The following TCF7L2 variants were observed in gnomAD, a reference collection of about 807,000 sequenced individuals.
TCF7L2 encodes the protein transcription factor 7-like 2.
Under a neutral mutation model 77.9 loss-of-function variants are expected in TCF7L2, and 23 were observed. The observed-to-expected ratio is 0.30, with a 90% CI of 0.21 to 0.42. TCF7L2 has a LOEUF of 0.42. Ranked by LOEUF, TCF7L2 falls within the 10% of genes least tolerant of loss-of-function variation. The pLI is 1.00. For synonymous variants in TCF7L2, 413 were observed against 340.2 expected (o/e 1.21, Z -2.36); for missense variants, 654 against 793.1 (o/e 0.82, Z 2.11).
intron 5 of TCF7L2, among the ~76,000 whole-genome samples, chr10:113,064,905 G>A (rs143234370): frequency 6.6e-6 from 1 of 152,316 alleles, no homozygotes; most frequent in East Asian, 1.9e-4. Flanking sequence ...TGAACAGTAG[G>A]CCTTGCACCT....
intron 4 of TCF7L2, among the ~76,000 whole-genome samples, chr10:113,015,059 G>A (rs568468707): frequency 6.6e-6 from 1 of 152,228 alleles, no homozygotes; most frequent in South Asian, 2.1e-4. Flanking sequence ...GGTAGCGGAC[G>A]CCTGTAAGCC....
At chr10:113,051,573 C>T (rs891377264) in intron 5 of TCF7L2, among the ~76,000 whole-genome samples, 2 of 152,146 alleles carry the variant, frequency 1.3e-5, no homozygotes, top group South Asian at 2.1e-4. Flanking sequence ...GAGCAGAGCA[C>T]GCATGCTTTC....
intron 5 of TCF7L2, among the ~76,000 whole-genome samples, chr10:113,082,612 T>C (rs1310521476): frequency 6.6e-6 from 1 of 152,160 alleles, no homozygotes; most frequent in Non-Finnish European, 1.5e-5. Flanking sequence ...TGTGTGTGTG[T>C]GTGTGTGCAC....
intron 4 of TCF7L2, among the ~76,000 whole-genome samples, chr10:112,977,080 A>G (rs2039556843): frequency 6.6e-6 from 1 of 151,906 alleles, no homozygotes; most frequent in South Asian, 2.1e-4. Context: ...TTCAAAACAA[A>G]TTTTAAACAA....
At chr10:113,116,462 A>G (rs2063746119) in intron 5 of TCF7L2, among the ~76,000 whole-genome samples, 1 of 152,224 alleles carries the variant, frequency 6.6e-6, no homozygotes, top group South Asian at 2.1e-4. Context: ...AGTCTCTGTT[A>G]AAAGCATATT....
intron 5 of TCF7L2, among the ~76,000 whole-genome samples, chr10:113,073,129 T>TGTGTGTGTGTGTGAGA (rs56927661): frequency 0.073 from 8,925 of 122,624 alleles, 502 homozygotes; most frequent in Middle Eastern, 0.11. Context: ...TGTGTGTGTG[T>TGTGTGTGTGTGTGAGA]GAGAGAGAGA....
intron 11 of TCF7L2, among the ~76,000 whole-genome samples, chr10:113,153,516 G>A (rs896111275): frequency 2.8e-4 from 43 of 152,180 alleles, no homozygotes; most frequent in Admixed American, 2.2e-3. Flanking sequence ...GCAGCTTGAC[G>A]TATAGGGGTC....
intron 5 of TCF7L2, among the ~76,000 whole-genome samples, chr10:113,085,682 A>G (rs555132953): frequency 6.6e-6 from 1 of 152,344 alleles, no homozygotes; most frequent in African/African-American, 2.4e-5. Flanking sequence ...AGATCTGGTT[A>G]GCACACATTG....
At chr10:113,063,609 G>C (rs1458290931) in intron 5 of TCF7L2, among the ~76,000 whole-genome samples, 2 of 152,044 alleles carry the variant, frequency 1.3e-5, no homozygotes, top group Admixed American at 6.6e-5. Context: ...ACACCGGATG[G>C]GACATTAATC....
At chr10:112,961,301 C>T (rs183692010) in intron 3 of TCF7L2, among the ~76,000 whole-genome samples, 57 of 140,958 alleles carry the variant, frequency 4.0e-4, no homozygotes, top group Middle Eastern at 3.7e-3. Flanking sequence ...GGATTACAGG[C>T]GTGAGCCATC....
rs1015604301 is a variant in TCF7L2, at chr10:113,144,108, G to C, written c.788+83G>C. The C allele has an allele frequency of 2.6e-3, 949 of 364,520 alleles. 4 individuals are homozygous for C. The highest frequency in any genetic ancestry group is 0.023 in the African/African-American group (795 of 34,740). The allele number at this position is 364,520 out of a possible 1,614,324, so 22.6% of individuals were successfully genotyped here. On this transcript the variant is annotated intron_variant, in intron 7 of 13. Transcript: ENST00000627217. ...TTATTCTGTGTGTGTGTCTGTGTGTGTGTGTGTGTGTGTGTGTGTGTGTGT... is the reference window on the plus strand; with the variant it reads ...TTATTCTGTGTGTGTGTCTGTGTGTCTGTGTGTGTGTGTGTGTGTGTGTGT...
intron 5 of TCF7L2, among the ~76,000 whole-genome samples, chr10:113,093,907 G>T (rs747489657): frequency 2.0e-5 from 3 of 152,132 alleles, no homozygotes; most frequent in Non-Finnish European, 4.4e-5. Flanking sequence ...CTTTTAAAAA[G>T]TTCATTGTCC....
intron 5 of TCF7L2, among the ~76,000 whole-genome samples, chr10:113,116,620 T>C (rs1272689966): frequency 6.6e-6 from 1 of 152,210 alleles, no homozygotes; most frequent in Non-Finnish European, 1.5e-5. Flanking sequence ...TTACTGTAAA[T>C]TGAAACATTT....
At chr10:113,124,473 G>A (rs867128389) in intron 5 of TCF7L2, among the ~76,000 whole-genome samples, 3 of 152,082 alleles carry the variant, frequency 2.0e-5, no homozygotes, top group African/African-American at 7.2e-5. Context: ...TACGAAAAGG[G>A]GGGTGGAAAT....
At chr10:112,991,987 A>T (rs1287800663) in intron 4 of TCF7L2, among the ~76,000 whole-genome samples, 1 of 152,194 alleles carries the variant, frequency 6.6e-6, no homozygotes, top group Non-Finnish European at 1.5e-5. Flanking sequence ...AGACCTCAGG[A>T]TGGGCTGGCT....
intron 4 of TCF7L2, among the ~76,000 whole-genome samples, chr10:112,977,842 C>T (rs1411717097): frequency 6.6e-6 from 1 of 152,126 alleles, no homozygotes; most frequent in East Asian, 1.9e-4. Context: ...CGGGGAAAGG[C>T]AGCAATGACC....
At chr10:112,954,108 G>A (rs2032826443) in intron 3 of TCF7L2, among the ~76,000 whole-genome samples, 1 of 152,226 alleles carries the variant, frequency 6.6e-6, no homozygotes, top group Admixed American at 6.5e-5. Flanking sequence ...ATTTGATACA[G>A]CTGCGGGAGG....
chr10:112,957,086 C>T (rs1024031044), intron 3 of TCF7L2, among the ~76,000 whole-genome samples: 1 of 152,016 alleles, frequency 6.6e-6, no homozygotes, highest in Non-Finnish European at 1.5e-5. Context: ...TGCACAGATG[C>T]CTTTTTCAAA....
At chr10:113,110,675 T>A (rs186523086) in intron 5 of TCF7L2, among the ~76,000 whole-genome samples, 4 of 152,192 alleles carry the variant, frequency 2.6e-5, no homozygotes, top group Admixed American at 6.5e-5. Flanking sequence ...GCTAAAAATG[T>A]TAAAAGGGTT....
Sources: allele counts gnomAD v4.1 joint callset (sites outside exome capture counted in the v4.1 genomes callset), GRCh38; gene constraint gnomAD v4.1.1; transcripts MANE v1.5; gene names NCBI Gene and HGNC (gene_info 2026-07-23, HGNC 2026-07-21).